Variants in KMO observed in about 807,000 individuals in gnomAD.
KMO encodes the protein kynurenine 3-hydroxylase.
Under a neutral mutation model 57.8 loss-of-function variants are expected in KMO, and 24 were observed. The ratio of observed to expected loss-of-function variants is 0.42; its 90% CI spans 0.30 to 0.58. The LOEUF is 0.58. Among genes scored for constraint, KMO ranks in the 20% least tolerant of loss-of-function variants. KMO has a pLI of 0.22. For synonymous variants in KMO, 210 were observed against 193.6 expected (o/e 1.08, Z -0.70); for missense variants, 483 against 588.2 (o/e 0.82, Z 1.85).
At chr1:241,563,909 G>C (rs543089604) in intron 7 of KMO, among the ~76,000 whole-genome samples, 1 of 152,236 alleles carries the variant, frequency 6.6e-6, no homozygotes, top group Non-Finnish European at 1.5e-5. Flanking sequence ...CTGATGGTTG[G>C]AGTTGGGGGC....
At chr1:241,581,104 T>A (rs1196869068) in intron 10 of KMO, among the ~76,000 whole-genome samples, 1 of 152,156 alleles carries the variant, frequency 6.6e-6, no homozygotes, top group Non-Finnish European at 1.5e-5. Flanking sequence ...CTTTAGAGTT[T>A]TTGTCTTGAA....
At position 241,548,936 on chromosome 1, in the gene KMO, C is replaced by T. The variant is rs757614852; in HGVS notation, c.124+38C>T. On this transcript the variant is annotated intron_variant, in intron 2 of 14. Coordinates refer to ENST00000366559, the MANE Select transcript of KMO (RefSeq NM_003679.5). ...TGAAAAAAGCAGGATGAACGCTGGG[C>T]ACGGTGGCTCCTGGCACTTTGGGAG... 2.7e-5 allele frequency: 37 copies of T among 1,394,202 alleles called. No individual in the cohort carries two copies. In the East Asian group the frequency reaches 4.8e-4, roughly 18 times the overall value. The allele number at this position is 1,394,202 out of a possible 1,614,324, so 86.4% of individuals were successfully genotyped here.
In KMO at chr1:241,562,061, G is replaced by A. The variant is rs989655917; in HGVS notation, c.450-106G>A. On this transcript the variant is annotated intron_variant, in intron 6 of 14. Transcript: ENST00000366559. ...CTCCAAGTCAAACATGTGAAAGTGA[G>A]CTTTCTAAGTTATCTATGGAGCCAC... 5.8e-6 allele frequency: 5 copies of A among 865,360 alleles called. No individual in the cohort carries two copies. In the African/African-American group the frequency reaches 6.8e-5, roughly 12 times the overall value. 53.6% of individuals were successfully genotyped at this position (865,360 alleles called of 1,614,324 possible).
At position 241,594,694 on chromosome 1, in the gene KMO, G is replaced by A; in HGVS notation, c.*2541G>A. On this transcript the variant is annotated 3_prime_UTR_variant, in exon 15 of 15. Transcript: ENST00000366559. ...AGCTGCAAAAGGGATCTTCGAAACTGGGCAGAGAAAAAATAAAGTGGAATA... is the reference window on the plus strand; with the variant it reads ...AGCTGCAAAAGGGATCTTCGAAACTAGGCAGAGAAAAAATAAAGTGGAATA... The A allele has an allele frequency of 1.2e-6, 2 of 1,608,150 alleles. No homozygotes were observed.
intron 5 of KMO, among the ~76,000 whole-genome samples, chr1:241,559,490 A>G: frequency 6.6e-6 from 1 of 152,374 alleles, no homozygotes; most frequent in South Asian, 2.1e-4. Context: ...TGTTTCTAAA[A>G]TATATCCTTA....
At chr1:241,562,714 C>G (rs572336567) in intron 7 of KMO, among the ~76,000 whole-genome samples, 63 of 152,134 alleles carry the variant, frequency 4.1e-4, no homozygotes, top group Non-Finnish European at 7.8e-4. Flanking sequence ...TGGCACACGC[C>G]TGTGGTCCCA....
chr1:241,571,343 TTCTTG>T (rs1403135417), intron 10 of KMO, among the ~76,000 whole-genome samples: 5 of 152,150 alleles, frequency 3.3e-5, no homozygotes, highest in Non-Finnish European at 7.4e-5. Context: ...AAAATGGTTG[TTCTTG>T]TCTTGTTCCA....
chr1:241,541,501 T>G (rs560363339), intron 1 of KMO, among the ~76,000 whole-genome samples: 1 of 152,190 alleles, frequency 6.6e-6, no homozygotes, highest in Non-Finnish European at 1.5e-5. Context: ...TAGTCACAGA[T>G]GGAGTTCAGG....
chr1:241,556,875 C>T (rs535825297), intron 5 of KMO, among the ~76,000 whole-genome samples: 110 of 151,826 alleles, frequency 7.2e-4, no homozygotes, highest in Non-Finnish European at 1.1e-3. Context: ...GCTGACAGAG[C>T]GAGACTCAGT....
intron 1 of KMO, among the ~76,000 whole-genome samples, 161 bp from the exon 2 acceptor site, chr1:241,548,668 A>C (rs1661247625): frequency 6.6e-6 from 1 of 152,166 alleles, no homozygotes; most frequent in Admixed American, 6.5e-5. Flanking sequence ...ACTTTTCAGC[A>C]GAAATTGAGT....
intron 7 of KMO, among the ~76,000 whole-genome samples, chr1:241,562,858 G>C (rs1276675397): frequency 9.7e-6 from 1 of 103,410 alleles, no homozygotes; most frequent in Non-Finnish European, 2.0e-5. Flanking sequence ...AAGGAAGGAA[G>C]GAAAGAAGGA....
At chr1:241,540,204 T>C (rs1660911813) in intron 1 of KMO, among the ~76,000 whole-genome samples, 2 of 152,176 alleles carry the variant, frequency 1.3e-5, no homozygotes, top group Admixed American at 6.5e-5. Flanking sequence ...TTTACCTGTA[T>C]TTTCTAATTC....
chr1:241,562,575 C>G (rs529458186), intron 7 of KMO, among the ~76,000 whole-genome samples: 4 of 152,200 alleles, frequency 2.6e-5, no homozygotes, highest in Admixed American at 6.5e-5. Context: ...CACAGTGGCT[C>G]ATGCCTGTAA....
At chr1:241,538,773 A>G (rs1326157925) in intron 1 of KMO, among the ~76,000 whole-genome samples, 1 of 152,194 alleles carries the variant, frequency 6.6e-6, no homozygotes, top group African/African-American at 2.4e-5. Context: ...ACCTCAGGGA[A>G]TTCATCCCTC....
At position 241,594,637 on chromosome 1, in the gene KMO, G is replaced by T. The variant is rs1663441803; in HGVS notation, c.*2484G>T. The T allele has an allele frequency of 6.2e-7, 1 of 1,614,082 alleles. No individual in the cohort carries two copies. Among genetic ancestry groups the T allele is most frequent in the Non-Finnish European group, 8.5e-7 (1 of 1,179,978 alleles). ...CCAGCTGCTGGTAGGTCTTTAGCAGGCCTCTGGCACCTCAGCAGTCGGAGG... is the reference window on the plus strand; with the variant it reads ...CCAGCTGCTGGTAGGTCTTTAGCAGTCCTCTGGCACCTCAGCAGTCGGAGG... On this transcript the variant is annotated 3_prime_UTR_variant, in exon 15 of 15. Transcript: ENST00000366559.
intron 1 of KMO, among the ~76,000 whole-genome samples, chr1:241,539,513 C>T (rs563951965): frequency 1.6e-4 from 24 of 152,304 alleles, no homozygotes; most frequent in African/African-American, 5.3e-4. Context: ...AATGTAGGCT[C>T]TCAAAAACAT....
At position 241,548,722 on chromosome 1, in the gene KMO, A is replaced by G. The variant is rs75398491; in HGVS notation, c.55-107A>G. 2,460 of 632,180 alleles carry G rather than the reference A, an allele frequency of 3.9e-3. 50 individuals carry two copies. The African/African-American group carries it at 0.042, about 11-fold the overall frequency. The allele number at this position is 632,180 out of a possible 1,614,324, so 39.2% of individuals were successfully genotyped here. A position where few individuals can be genotyped will look rare whatever the true frequency, so the allele number is the denominator to read the frequency against. Reference sequence around the variant, plus strand: ...AGGCTGGTAAAATATGACCACACACAATGTGAGGCTAGTAAAACATAGCCT... The same window carrying G: ...AGGCTGGTAAAATATGACCACACACGATGTGAGGCTAGTAAAACATAGCCT... On this transcript the variant is annotated intron_variant, in intron 1 of 14. Coordinates refer to ENST00000366559, the MANE Select transcript of KMO (RefSeq NM_003679.5).
chr1:241,565,014 A>G lies in KMO; in HGVS notation c.643A>G (p.Ile215Val). The change falls in exon 8 of 15, where the codon ATT (isoleucine) becomes GTT (valine). Residue 215 changes from isoleucine (I) to valine (V), a missense_variant. Physicochemically the swap from Ile to Val is conservative, Grantham distance 29. Coordinates refer to ENST00000366559, the MANE Select transcript of KMO (RefSeq NM_003679.5). Reference sequence around the variant, plus strand: ...TGCCATGGAACCTAATTATCTGCATATTTGGCCTAGAAATACCTTTATGAT... The same window carrying G: ...TGCCATGGAACCTAATTATCTGCATGTTTGGCCTAGAAATACCTTTATGAT... ...DYAMEPNYLH[I>V]WPRNTFMMIA... is the part of the protein sequence containing the mutation. 6.2e-7 allele frequency: 1 copy of G among 1,607,478 alleles called. No homozygotes were observed. Among genetic ancestry groups the G allele is most frequent in the Non-Finnish European group, 8.5e-7 (1 of 1,174,278 alleles).
chr1:241,589,953 C>T (rs1573943105), intron 12 of KMO, 59 bp from the exon 13 acceptor site: 6 of 1,239,728 alleles, frequency 4.8e-6, no homozygotes, highest in South Asian at 2.4e-5. Context: ...AATACTAAGT[C>T]GCAGTGAGAA....
Sources: allele counts gnomAD v4.1 joint callset (sites outside exome capture counted in the v4.1 genomes callset), GRCh38; gene constraint gnomAD v4.1.1; transcripts MANE v1.5; gene names NCBI Gene and HGNC (gene_info 2026-07-23, HGNC 2026-07-21).